The following CFAP70 variants were observed in gnomAD, a reference collection of about 807,000 sequenced individuals.
CFAP70 encodes the protein cilia and flagella associated protein 70.
CFAP70 carries 81 observed loss-of-function variants against 137.6 expected under a neutral mutation model. The ratio of observed to expected loss-of-function variants is 0.59; its 90% CI spans 0.49 to 0.71. The LOEUF (loss-of-function observed/expected upper bound fraction) is 0.71, where lower values mean the gene tolerates loss of function less well. Among genes scored for constraint, CFAP70 ranks in the 30% least tolerant of loss-of-function variants. CFAP70 has a pLI of 0.00. For synonymous variants in CFAP70, 382 were observed against 423.6 expected, an observed-to-expected ratio of 0.90 and a Z score of 1.20; for missense variants, 976 against 1,226.7, an observed-to-expected ratio of 0.80 and a Z score of 3.05.
intron 8 of CFAP70, among the ~76,000 whole-genome samples, chr10:73,324,594 T>A (rs1183710431): frequency 1.3e-5 from 2 of 151,794 alleles, no homozygotes; most frequent in South Asian, 2.1e-4. Flanking sequence ...TTGAAAAAAA[T>A]TTAGACGAAT....
At chr10:73,314,941 C>T (rs993550327) in intron 9 of CFAP70, among the ~76,000 whole-genome samples, 3 of 150,546 alleles carry the variant, frequency 2.0e-5, no homozygotes, top group Admixed American at 6.6e-5. Context: ...AGGCTGGGCA[C>T]GGTTACTCAC....
In CFAP70 at chr10:73,341,425, C is replaced by A. The variant is rs768778514; in HGVS notation, c.556G>T (p.Glu186Ter). The change falls in exon 6 of 27, where the codon GAA (glutamate) becomes TAA (stop). Residue 186 changes from glutamate (E) to a stop codon, truncating the protein, a stop_gained. Transcript: ENST00000310715. LOFTEE classifies it high-confidence loss of function. Reference sequence around the variant, plus strand: ...TCAGGATGGTTGAGTTCTCCTTCTTCTTCTTCATAGGGACCACCAACAATG... The same window carrying A: ...TCAGGATGGTTGAGTTCTCCTTCTTATTCTTCATAGGGACCACCAACAATG... 6.2e-7 allele frequency: 1 copy of A among 1,613,142 alleles called. No individual in the cohort carries two copies. Among genetic ancestry groups the A allele is most frequent in the East Asian group, 2.2e-5 (1 of 44,872 alleles).
chr10:73,351,071 G>A (rs11000618), intron 3 of CFAP70, among the ~76,000 whole-genome samples: 7,004 of 29,670 alleles, frequency 0.24, 933 homozygotes, highest in Non-Finnish European at 0.37. Context: ...GTGTGTGTGT[G>A]TATATATATA....
chr10:73,257,951 C>T (rs1372095248), intron 25 of CFAP70, among the ~76,000 whole-genome samples: 2 of 149,418 alleles, frequency 1.3e-5, no homozygotes, highest in African/African-American at 5.0e-5. Flanking sequence ...GATCTCAGCA[C>T]TCTCACAGTC....
At chr10:73,351,100 T>C (rs2054224284) in intron 3 of CFAP70, among the ~76,000 whole-genome samples, 2 of 131,882 alleles carry the variant, frequency 1.5e-5, no homozygotes, top group African/African-American at 5.7e-5. Context: ...TATATATATA[T>C]ATATATATAT....
intron 25 of CFAP70, among the ~76,000 whole-genome samples, chr10:73,256,991 G>A (rs1164818966): frequency 6.7e-6 from 1 of 150,070 alleles, no homozygotes; most frequent in East Asian, 1.9e-4. Flanking sequence ...CTTTTTGAAA[G>A]CACCATGAGT....
chr10:73,264,819 C>T (rs772994833), intron 25 of CFAP70, among the ~76,000 whole-genome samples: 4 of 152,190 alleles, frequency 2.6e-5, no homozygotes, highest in South Asian at 4.2e-4. Context: ...TTTGTTTGTA[C>T]GTAATTATGT....
intron 26 of CFAP70, 38 bp from the exon 28 acceptor site, chr10:73,254,093 T>A: frequency 6.6e-7 from 1 of 1,517,600 alleles, no homozygotes; most frequent in Non-Finnish European, 9.1e-7. Flanking sequence ...ATATATGTCA[T>A]ACGTGATATA....
chr10:73,265,873 A>ATT (rs58877464), intron 25 of CFAP70, among the ~76,000 whole-genome samples: 5,151 of 141,932 alleles, frequency 0.036, 264 homozygotes, highest in African/African-American at 0.11. Context: ...TGTCATAGCT[A>ATT]TTTTTTTTTT....
intron 7 of CFAP70, 22 bp from the exon 9 acceptor site, chr10:73,331,298 A>G (rs766183953): frequency 5.0e-6 from 8 of 1,590,750 alleles, no homozygotes; most frequent in Non-Finnish European, 6.9e-6. Context: ...GAATCAGTCC[A>G]TTAGCATTAT....
exon 19 of CFAP70, chr10:73,291,351 TGTGCCTGAAGCATCC>T: frequency 1.2e-6 from 2 of 1,614,236 alleles, no homozygotes; most frequent in Non-Finnish European, 1.7e-6. Context: ...CTTTGTTACT[TGTGCCTGAAGCATCC>T]GTGCCTGAAG....
At chr10:73,285,615 A>G (rs1417520271) in intron 19 of CFAP70, among the ~76,000 whole-genome samples, 1 of 151,816 alleles carries the variant, frequency 6.6e-6, no homozygotes, top group East Asian at 1.9e-4. Flanking sequence ...GTTTCAGTTC[A>G]TCATTTGAAA....
intron 19 of CFAP70, among the ~76,000 whole-genome samples, chr10:73,286,702 A>C (rs539863071): frequency 6.6e-6 from 1 of 152,308 alleles, no homozygotes; most frequent in South Asian, 2.1e-4. Context: ...AGACACACAC[A>C]CAGAAATATA....
chr10:73,293,570 G>T, intron 15 of CFAP70, 182 bp from the exon 17 acceptor site: 1 of 473,314 alleles, frequency 2.1e-6, no homozygotes, highest in Non-Finnish European at 3.7e-6. Flanking sequence ...GAAATGTCAA[G>T]GGTGAAGGAG....
intron 8 of CFAP70, among the ~76,000 whole-genome samples, chr10:73,326,706 C>T (rs529049445): frequency 2.0e-5 from 3 of 152,238 alleles, no homozygotes; most frequent in South Asian, 4.2e-4. Context: ...ATAGGATGAA[C>T]ACCTCTACAC....
chr10:73,257,063 A>G (rs2044597999), intron 25 of CFAP70, among the ~76,000 whole-genome samples: 1 of 152,132 alleles, frequency 6.6e-6, no homozygotes, highest in Non-Finnish European at 1.5e-5. Context: ...ACCACTCCGT[A>G]CTATGTGATT....
chr10:73,307,989 C>CAA (rs371058579), intron 12 of CFAP70, among the ~76,000 whole-genome samples: 13 of 80,064 alleles, frequency 1.6e-4, no homozygotes, highest in Admixed American at 8.8e-4. Flanking sequence ...TACTAAAATA[C>CAA]AAAAAAAAAA....
At chr10:73,299,004 C>T in exon 14 of CFAP70, 8 of 1,614,056 alleles carry the variant, frequency 5.0e-6, no homozygotes, top group Non-Finnish European at 6.8e-6. Flanking sequence ...ATCCATATCA[C>T]TCTCCAGTTT....
chr10:73,256,869 C>T (rs1442857769), intron 25 of CFAP70, among the ~76,000 whole-genome samples: 1 of 142,926 alleles, frequency 7.0e-6, no homozygotes, highest in African/African-American at 2.6e-5. Flanking sequence ...TGCCACTGCA[C>T]TCCATCCTGG....
Sources: gnomAD v4.1 joint callset for allele counts (sites outside exome capture counted in the v4.1 genomes callset) on GRCh38, gnomAD v4.1.1 for gene constraint, MANE v1.5 for transcripts, NCBI Gene and HGNC (gene_info 2026-07-23, HGNC 2026-07-21) for gene names.